The following TNKS2 variants were observed in gnomAD, a reference collection of about 807,000 sequenced individuals.
The protein encoded by TNKS2 is poly [ADP-ribose] polymerase tankyrase-2.
A neutral mutation model predicts 137.6 loss-of-function variants in TNKS2; 72 were observed. The ratio of observed to expected loss-of-function variants is 0.52; its 90% CI spans 0.43 to 0.64. The LOEUF (loss-of-function observed/expected upper bound fraction) is 0.64, where lower values mean the gene tolerates loss of function less well. TNKS2 is among the 30% of genes least tolerant of loss of function. The probability of loss-of-function intolerance (pLI) is 0.00; values close to 1 mark genes in which losing one functional copy is unlikely to be tolerated. For synonymous variants in TNKS2, 516 were observed against 512.1 expected (o/e 1.01, Z -0.10); for missense variants, 1,049 against 1,410.2 (o/e 0.74, Z 4.10).
At chr10:91,802,020 C>T (rs1022229304) in intron 1 of TNKS2, among the ~76,000 whole-genome samples, 36 of 152,188 alleles carry the variant, frequency 2.4e-4, no homozygotes, top group Non-Finnish European at 1.6e-4. Context: ...AAATATGTGG[C>T]ATTCCTTACA....
intron 1 of TNKS2, among the ~76,000 whole-genome samples, chr10:91,802,884 A>G (rs1031776057): frequency 4.6e-5 from 7 of 152,260 alleles, no homozygotes; most frequent in Admixed American, 1.3e-4. Flanking sequence ...AGATCAGTCT[A>G]TTTAGGAATT....
chr10:91,855,023 T>C lies in TNKS2; in HGVS notation c.2816-6T>C. The C allele has an allele frequency of 6.5e-7, 1 of 1,530,496 alleles. No homozygotes were observed. Among genetic ancestry groups the C allele is most frequent in the Non-Finnish European group, 9.0e-7 (1 of 1,114,492 alleles). 94.8% of individuals were successfully genotyped at this position (1,530,496 alleles called of 1,614,324 possible). A position where few individuals can be genotyped will look rare whatever the true frequency, so the allele number is the denominator to read the frequency against. ...TATTTTTCTACCTTCAAATTTTGTT[T>C]CATAGGTCTTAACCCATATTTAACT... On this transcript the variant is annotated splice_polypyrimidine_tract_variant and splice_region_variant and intron_variant, in intron 21 of 26. Transcript: ENST00000371627.
intron 21 of TNKS2, among the ~76,000 whole-genome samples, chr10:91,852,380 ACC>A (rs1842567164): frequency 6.7e-6 from 1 of 149,678 alleles, no homozygotes; most frequent in African/African-American, 2.5e-5. Flanking sequence ...ACATGGTGAA[ACC>A]CCATCTGTAC....
chr10:91,799,232 T>C (rs1326208038), intron 1 of TNKS2, among the ~76,000 whole-genome samples: 2 of 152,134 alleles, frequency 1.3e-5, no homozygotes, highest in Non-Finnish European at 2.9e-5. Flanking sequence ...GTAGGGGACG[T>C]AGTTGATAGA....
At chr10:91,856,530 ATG>A (rs142782473) in intron 23 of TNKS2, among the ~76,000 whole-genome samples, 2 of 152,328 alleles carry the variant, frequency 1.3e-5, no homozygotes, top group East Asian at 1.9e-4. Context: ...CATTAACAAA[ATG>A]TGTGGAGTTT....
intron 1 of TNKS2, among the ~76,000 whole-genome samples, chr10:91,802,754 T>G (rs765173620): frequency 6.6e-6 from 1 of 152,230 alleles, no homozygotes; most frequent in Non-Finnish European, 1.5e-5. Flanking sequence ...TTACAAGAGA[T>G]GCACAAAATT....
chr10:91,851,670 G>T (rs903911986), intron 21 of TNKS2, among the ~76,000 whole-genome samples: 1 of 152,088 alleles, frequency 6.6e-6, no homozygotes, highest in Non-Finnish European at 1.5e-5. Context: ...CTGAAACTTA[G>T]GTATCACATT....
intron 1 of TNKS2, among the ~76,000 whole-genome samples, chr10:91,807,919 C>A (rs1844380211): frequency 6.6e-6 from 1 of 150,976 alleles, no homozygotes; most frequent in African/African-American, 2.4e-5. Flanking sequence ...TGGCATGAAC[C>A]CGGGAGGCAG....
chr10:91,859,580 T>G lies in TNKS2; in HGVS notation c.3213T>G (p.Tyr1071Ter). ...FAENSSKSNQ[Y>*]VYGIGGGTGC... Reference sequence around the variant, plus strand: ...AAAACTCTTCCAAAAGCAATCAATATGTATATGGAATTGGAGGAGGTACTG... The same window carrying G: ...AAAACTCTTCCAAAAGCAATCAATAGGTATATGGAATTGGAGGAGGTACTG... Residue 1071 changes from tyrosine (Y) to a stop codon, truncating the protein, a stop_gained, in exon 25 of 27, where the codon TAT (tyrosine) becomes TAG (stop). Coordinates refer to ENST00000371627, the MANE Select transcript of TNKS2 (RefSeq NM_025235.4). LOFTEE classifies it high-confidence loss of function. 2 of 1,614,030 alleles carry G rather than the reference T, an allele frequency of 1.2e-6. No individual in the cohort carries two copies. Among genetic ancestry groups the G allele is most frequent in the Non-Finnish European group, 1.7e-6 (2 of 1,179,958 alleles).
At chr10:91,819,854 G>C in intron 5 of TNKS2, 85 bp from the exon 6 acceptor site, 1 of 1,094,234 alleles carries the variant, frequency 9.1e-7, no homozygotes, top group East Asian at 2.6e-5. Context: ...TGGATTTTCT[G>C]GTTTTATATT....
chr10:91,824,832 C>A (rs972870931), intron 7 of TNKS2, among the ~76,000 whole-genome samples: 3 of 152,038 alleles, frequency 2.0e-5, no homozygotes, highest in African/African-American at 2.4e-5. Context: ...CGAAATAAGT[C>A]GCACAAGAAA....
chr10:91,812,288 A>C (rs543104744), intron 1 of TNKS2, among the ~76,000 whole-genome samples: 1 of 152,038 alleles, frequency 6.6e-6, no homozygotes, highest in African/African-American at 2.4e-5. Context: ...AAATTACCAG[A>C]CTTTTTTTGT....
At chr10:91,857,605 A>G in intron 24 of TNKS2, 75 bp downstream of exon 24, 1 of 878,258 alleles carries the variant, frequency 1.1e-6, no homozygotes, top group Non-Finnish European at 1.8e-6. Flanking sequence ...ATGAAATAAT[A>G]ATAAGCCTGT....
intron 18 of TNKS2, among the ~76,000 whole-genome samples, chr10:91,847,922 A>G (rs1333075321): frequency 1.3e-5 from 2 of 152,200 alleles, no homozygotes; most frequent in African/African-American, 2.4e-5. Context: ...ATGCTTTGCC[A>G]TATTTAAATT....
chr10:91,819,615 G>A, intron 5 of TNKS2, 58 bp downstream of exon 5: 8 of 1,263,684 alleles, frequency 6.3e-6, no homozygotes, highest in African/African-American at 1.5e-5. Context: ...AGATAAAGAT[G>A]TGTTTATCTT....
At chr10:91,858,747 G>A (rs2050914) in intron 24 of TNKS2, among the ~76,000 whole-genome samples, 13,762 of 152,222 alleles carry the variant, frequency 0.09, 720 homozygotes, top group East Asian at 0.19. Context: ...GGTGGCTCAC[G>A]CCTGTAATCC....
At chr10:91,833,776 A>C (rs1841898130) in intron 11 of TNKS2, 77 bp from the exon 12 acceptor site, 2 of 1,197,432 alleles carry the variant, frequency 1.7e-6, no homozygotes, top group East Asian at 5.3e-5. Flanking sequence ...AAAAGTAGTA[A>C]AAAGTGTTAA....
intron 12 of TNKS2, among the ~76,000 whole-genome samples, chr10:91,834,250 G>A (rs1014162807): frequency 6.6e-6 from 1 of 152,114 alleles, no homozygotes; most frequent in Non-Finnish European, 1.5e-5. Context: ...AGTTTCTTAA[G>A]TTAAATAGAT....
At chr10:91,818,446 G>A (rs1844780616) in intron 3 of TNKS2, among the ~76,000 whole-genome samples, 1 of 152,126 alleles carries the variant, frequency 6.6e-6, no homozygotes, top group African/African-American at 2.4e-5. Flanking sequence ...TTTAATCAGT[G>A]ATGCTATAGA....
Sources: gnomAD v4.1 joint callset for allele counts (sites outside exome capture counted in the v4.1 genomes callset) on GRCh38, gnomAD v4.1.1 for gene constraint, MANE v1.5 for transcripts, NCBI Gene and HGNC (gene_info 2026-07-23, HGNC 2026-07-21) for gene names.